Variants in SYT7 observed in about 807,000 individuals in gnomAD.
The protein encoded by SYT7 is synaptotagmin-7.
SYT7 carries 29 observed loss-of-function variants against 75.1 expected under a neutral mutation model. The observed-to-expected ratio is 0.39, with a 90% CI of 0.29 to 0.53. The LOEUF (loss-of-function observed/expected upper bound fraction) is 0.53, where lower values mean the gene tolerates loss of function less well. Among genes scored for constraint, SYT7 ranks in the 20% least tolerant of loss-of-function variants. SYT7 has a pLI of 0.77. For missense variants in SYT7, 693 were observed against 953.2 expected, an observed-to-expected ratio of 0.73 and a Z score of 3.59; for synonymous variants, 376 against 401.7, an observed-to-expected ratio of 0.94 and a Z score of 0.76.
Position 61,553,740 on chromosome 11 carries a change from G to A in SYT7, c.136-2277C>T, listed in dbSNP as rs1487867182. 2.0e-5 allele frequency among the ~76,000 whole-genome samples: 3 copies of A among 152,190 alleles called. No individual in the cohort carries two copies. Among genetic ancestry groups the A allele is most frequent in the Admixed American group, 2.0e-4 (3 of 15,278 alleles). On this transcript the variant is annotated intron_variant, in intron 2 of 12. Coordinates refer to ENST00000539008, the MANE Select transcript of SYT7 (RefSeq NM_001365809.2). The surrounding 1 kb of genome is among the most constrained non-coding windows in gnomAD (Gnocchi z 5.2). ...ACCAGCCTGCTTCTCAGGGAGGGGT[G>A]GCCAGGCTGATCCGGAAAAAGCCAG... is the stretch of plus-strand genomic sequence containing the variant.
chr11:61,533,525 G>C (rs908254923), intron 7 of SYT7: 2 of 985,324 alleles, frequency 2.0e-6, no homozygotes, highest in Non-Finnish European at 2.4e-6. Flanking sequence ...CTCCACCGTG[G>C]TGTGGTGTGT....
Position 61,551,594 on chromosome 11 carries a change from CG to C in SYT7, c.136-132del. Reference sequence around the variant, plus strand: ...TGGCAACAAGGCCAGGACCAGTGTGCGAGGCTGTCACCGCGGTGGGGGCCAA... The same window carrying C: ...TGGCAACAAGGCCAGGACCAGTGTGCAGGCTGTCACCGCGGTGGGGGCCAA... On this transcript the variant is annotated intron_variant, in intron 2 of 12. Coordinates refer to ENST00000539008, the MANE Select transcript of SYT7 (RefSeq NM_001365809.2). The surrounding 1 kb of genome is among the most constrained non-coding windows in gnomAD (Gnocchi z 5.3). The C allele has an allele frequency of 1.1e-6, 1 of 901,498 alleles. No homozygotes were observed. Among genetic ancestry groups the C allele is most frequent in the Non-Finnish European group, 1.7e-6 (1 of 583,588 alleles). 55.8% of individuals were successfully genotyped at this position (901,498 alleles called of 1,614,324 possible).
rs1163811393 is a variant in SYT7, at chr11:61,515,461, T to G, written c.*3166A>C. On this transcript the variant is annotated 3_prime_UTR_variant, in exon 13 of 13. Coordinates refer to ENST00000539008, the MANE Select transcript of SYT7 (RefSeq NM_001365809.2). ...AAATTTTGTATGGTTCTTTTTTTCC[T>G]GTTTTTTTTTTTTCTTCAGTTTTTC... 1.4e-5 allele frequency: 2 copies of G among 147,986 alleles called. No individual in the cohort carries two copies. The highest frequency in any genetic ancestry group is 2.5e-5 in the African/African-American group (1 of 39,538). The allele number at this position is 147,986 out of a possible 1,614,324, so 9.2% of individuals were successfully genotyped here.
At chr11:61,543,115 C>G (rs1222444366) in intron 5 of SYT7, among the ~76,000 whole-genome samples, 4 of 152,220 alleles carry the variant, frequency 2.6e-5, no homozygotes, top group Admixed American at 1.3e-4. Context: ...GCCGGGGAAG[C>G]CATCAGTTCT....
intron 8 of SYT7, among the ~76,000 whole-genome samples, chr11:61,532,062 C>T (rs2062729734): frequency 6.6e-6 from 1 of 152,056 alleles, no homozygotes; most frequent in Non-Finnish European, 1.5e-5. Flanking sequence ...GGCTGGAACC[C>T]TACATGGCAG....
Position 61,528,305 on chromosome 11 carries a change from C to A in SYT7, c.1201-120G>T, listed in dbSNP as rs1032179319. On this transcript the variant is annotated intron_variant, in intron 8 of 12. Transcript: ENST00000539008. Reference sequence around the variant, plus strand: ...TGGCCCAGCCCACACTCACATCCCACGGACGCTGCTCAGGCTCAGAGGGCA... The same window carrying A: ...TGGCCCAGCCCACACTCACATCCCAAGGACGCTGCTCAGGCTCAGAGGGCA... 4.0e-6 allele frequency: 5 copies of A among 1,265,522 alleles called. No homozygotes were observed. The South Asian group carries it at 7.2e-5, about 18-fold the overall frequency. 78.4% of individuals were successfully genotyped at this position (1,265,522 alleles called of 1,614,324 possible).
At chr11:61,558,286 A>G (rs2063546664) in intron 1 of SYT7, among the ~76,000 whole-genome samples, 1 of 152,066 alleles carries the variant, frequency 6.6e-6, no homozygotes, top group Non-Finnish European at 1.5e-5. Context: ...CATCTCTACT[A>G]AAAATACAAA....
chr11:61,586,198 T>C, the SYT7 span, among the ~76,000 whole-genome samples: 1 of 152,206 alleles, frequency 6.6e-6, no homozygotes, highest in Non-Finnish European at 1.5e-5. Flanking sequence ...TTCTCCATGG[T>C]CACCCTGACA....
intron 7 of SYT7, among the ~76,000 whole-genome samples, chr11:61,535,137 G>A (rs541244737): frequency 5.6e-4 from 85 of 152,332 alleles, no homozygotes; most frequent in African/African-American, 2.0e-3. Flanking sequence ...GGGAGAGGCC[G>A]AGGGGCCCAT....
upstream of SYT7, among the ~76,000 whole-genome samples, chr11:61,582,977 C>G (rs919726480): frequency 3.9e-5 from 6 of 152,180 alleles, no homozygotes; most frequent in Admixed American, 3.9e-4. Flanking sequence ...CCTGTAAGCC[C>G]AGCACTTTGG....
intron 6 of SYT7, chr11:61,541,417 T>A: frequency 1.0e-5 from 4 of 400,992 alleles, no homozygotes; most frequent in Non-Finnish European, 1.3e-5. Flanking sequence ...GGAGGGGGCT[T>A]CCTGGGTGGG....
At position 61,574,753 on chromosome 11, in the gene SYT7, G is replaced by A. The variant is rs573116940; in HGVS notation, c.31+6037C>T. Among the ~76,000 whole-genome samples the A allele has an allele frequency of 1.8e-4, 27 of 152,188 alleles. No homozygotes were observed. In the South Asian group the frequency reaches 5.4e-3, roughly 30 times the overall value. On this transcript the variant is annotated intron_variant, in intron 1 of 12. Coordinates refer to ENST00000539008, the MANE Select transcript of SYT7 (RefSeq NM_001365809.2). ...CCCTCCCGGGCCCAGGCCTGGCAGA[G>A]CGGGAGAGAGCCTGCTATGTGCCAG...
In SYT7 at chr11:61,533,136, G is replaced by A. The variant is rs1426428282; in HGVS notation, c.1065-12C>T. On this transcript the variant is annotated splice_polypyrimidine_tract_variant and intron_variant, in intron 7 of 12. Coordinates refer to ENST00000539008, the MANE Select transcript of SYT7 (RefSeq NM_001365809.2). The stretch of plus-strand genomic sequence containing the variant: ...CTCCTGCAGGCAACCTGAGGGCAGG[G>A]GAGTCCAAATGAGATTGGGCTGGGA... The A allele has an allele frequency of 6.3e-7, 1 of 1,578,364 alleles. No individual in the cohort carries two copies. The highest frequency in any genetic ancestry group is 8.6e-7 in the Non-Finnish European group (1 of 1,163,504).
intron 6 of SYT7, chr11:61,540,456 C>A: frequency 1.1e-6 from 1 of 922,288 alleles, no homozygotes; most frequent in Non-Finnish European, 1.3e-6. Context: ...TGATCACATG[C>A]CTCTTGCAAA....
In SYT7 at chr11:61,580,779, GC is replaced by G; in HGVS notation, c.31+10del. The G allele has an allele frequency of 7.9e-7, 1 of 1,271,884 alleles. No individual in the cohort carries two copies. Among genetic ancestry groups the G allele is most frequent in the Non-Finnish European group, 9.9e-7 (1 of 1,008,614 alleles). 78.8% of individuals were successfully genotyped at this position (1,271,884 alleles called of 1,614,324 possible). ...GTGCGGGGCGCCCCAGCCCGCCGGG[GC>G]CGCGCTTACCTGGGCTGGCCGCCTC... On this transcript the variant is annotated intron_variant, in intron 1 of 12. Transcript: ENST00000539008. This position sits in a 1 kb window ranked among gnomAD's most constrained non-coding sequence, Gnocchi z 6.1.
chr11:61,537,083 C>G (rs2062890041), intron 7 of SYT7, among the ~76,000 whole-genome samples: 1 of 152,224 alleles, frequency 6.6e-6, no homozygotes. Context: ...GAATGAGGCT[C>G]TGGCAGAACC....
At chr11:61,541,024 C>T in intron 6 of SYT7, 7 of 985,562 alleles carry the variant, frequency 7.1e-6, no homozygotes, top group Non-Finnish European at 8.4e-6. Flanking sequence ...CCATGGGCCA[C>T]TCGCACGGGT....
chr11:61,531,615 C>T (rs904242193), intron 8 of SYT7, among the ~76,000 whole-genome samples: 7 of 152,020 alleles, frequency 4.6e-5, no homozygotes, highest in African/African-American at 1.2e-4. Context: ...CAGGATAGAC[C>T]GGGCGCAGTG....
intron 9 of SYT7, among the ~76,000 whole-genome samples, chr11:61,526,834 T>C (rs2062534110): frequency 6.6e-6 from 1 of 152,122 alleles, no homozygotes; most frequent in African/African-American, 2.4e-5. Context: ...TGCCATTTAG[T>C]GGGTGACCTG....
Sources: gnomAD v4.1 joint callset for allele counts (sites outside exome capture counted in the v4.1 genomes callset) on GRCh38, gnomAD v4.1.1 for gene constraint, Gnocchi (gnomAD v3.1) non-coding constraint, MANE v1.5 for transcripts, NCBI Gene and HGNC (gene_info 2026-07-23, HGNC 2026-07-21) for gene names.